CHCHD3: variants seen among roughly 807,000 people sequenced by gnomAD.
CHCHD3 encodes MICOS complex subunit MIC19.
Under a neutral mutation model 38.2 loss-of-function variants are expected in CHCHD3, and 20 were observed. That is an observed-to-expected ratio of 0.52 (90% CI 0.37 to 0.76). The LOEUF is 0.76. CHCHD3 is among the 30% of genes least tolerant of loss of function. The pLI, the probability that CHCHD3 is intolerant of heterozygous loss-of-function variation, is 0.00. For missense variants in CHCHD3, 245 were observed against 279.2 expected (o/e 0.88, Z 0.87); for synonymous variants, 82 against 100.0 (o/e 0.82, Z 1.07).
intron 1 of CHCHD3, among the ~76,000 whole-genome samples, chr7:133,076,050 T>G (rs1464251413): frequency 9.0e-6 from 1 of 110,560 alleles, no homozygotes; most frequent in Non-Finnish European, 1.7e-5. Context: ...GAGAATGAGA[T>G]TCTATCTCAA....
chr7:132,989,897 A>C (rs1199185964), intron 3 of CHCHD3, among the ~76,000 whole-genome samples: 1 of 152,216 alleles, frequency 6.6e-6, no homozygotes, highest in East Asian at 1.9e-4. Flanking sequence ...CAAATGTCAT[A>C]ATATTCAATA....
intron 4 of CHCHD3, among the ~76,000 whole-genome samples, chr7:132,934,743 C>T (rs1810596684): frequency 6.6e-6 from 1 of 152,182 alleles, no homozygotes; most frequent in African/African-American, 2.4e-5. Flanking sequence ...CGCTCCTACA[C>T]TGCTAGTTCA....
chr7:133,017,559 C>T (rs1468367913), intron 3 of CHCHD3, among the ~76,000 whole-genome samples: 1 of 152,146 alleles, frequency 6.6e-6, no homozygotes, highest in Non-Finnish European at 1.5e-5. Flanking sequence ...TGACTTCAAA[C>T]ACTGCACTTC....
At chr7:132,987,851 C>G (rs1812162997) in intron 3 of CHCHD3, among the ~76,000 whole-genome samples, 1 of 152,142 alleles carries the variant, frequency 6.6e-6, no homozygotes, top group Non-Finnish European at 1.5e-5. Flanking sequence ...CCACCAGAGA[C>G]AGCAAGACTA....
intron 6 of CHCHD3, among the ~76,000 whole-genome samples, chr7:132,828,602 G>A (rs374819866): frequency 9.9e-5 from 15 of 152,252 alleles, no homozygotes; most frequent in South Asian, 8.3e-4. Context: ...ACATTCAAAT[G>A]AGCAACAAGA....
At chr7:133,001,493 G>T (rs1381156096) in intron 3 of CHCHD3, among the ~76,000 whole-genome samples, 2 of 151,952 alleles carry the variant, frequency 1.3e-5, no homozygotes, top group Non-Finnish European at 2.9e-5. Flanking sequence ...CAACTAAAAG[G>T]AATATTTTTC....
At chr7:132,799,711 TTTGAAAA>T (rs1338285167) in intron 6 of CHCHD3, among the ~76,000 whole-genome samples, 1 of 152,218 alleles carries the variant, frequency 6.6e-6, no homozygotes, top group Non-Finnish European at 1.5e-5. Flanking sequence ...AGAGTCAACC[TTTGAAAA>T]TATACATGTA....
intron 3 of CHCHD3, among the ~76,000 whole-genome samples, chr7:133,023,768 T>C (rs1354061379): frequency 6.6e-6 from 1 of 152,238 alleles, no homozygotes; most frequent in Non-Finnish European, 1.5e-5. Context: ...GGTGTTTTTT[T>C]CAGTGGATAG....
intron 4 of CHCHD3, among the ~76,000 whole-genome samples, chr7:132,892,653 C>T (rs1454652414): frequency 6.6e-6 from 1 of 152,144 alleles, no homozygotes; most frequent in East Asian, 1.9e-4. Context: ...GAAGGAAAAA[C>T]GGTTGCCTGG....
intron 4 of CHCHD3, among the ~76,000 whole-genome samples, chr7:132,971,250 T>C (rs185853993): frequency 2.6e-5 from 4 of 152,310 alleles, no homozygotes; most frequent in Admixed American, 2.6e-4. Flanking sequence ...GAAGCATATT[T>C]TGAACGTGAG....
At chr7:132,910,046 T>C (rs890640414) in intron 4 of CHCHD3, among the ~76,000 whole-genome samples, 1 of 152,222 alleles carries the variant, frequency 6.6e-6, no homozygotes, top group Non-Finnish European at 1.5e-5. Context: ...AAGCAGACTT[T>C]TTCCAACTCA....
intron 2 of CHCHD3, among the ~76,000 whole-genome samples, chr7:133,051,747 T>C (rs928494146): frequency 6.6e-6 from 1 of 152,316 alleles, no homozygotes; most frequent in Non-Finnish European, 1.5e-5. Flanking sequence ...CACAGACATA[T>C]ACAAATAAGC....
chr7:132,978,770 C>T (rs992729561), intron 3 of CHCHD3, among the ~76,000 whole-genome samples: 13 of 152,150 alleles, frequency 8.5e-5, no homozygotes, highest in Admixed American at 6.5e-5. Flanking sequence ...CCAACATCAA[C>T]ACCTAACTAT....
chr7:133,055,448 ATAAT>A (rs1299988355), intron 2 of CHCHD3, among the ~76,000 whole-genome samples: 18 of 145,224 alleles, frequency 1.2e-4, no homozygotes, highest in South Asian at 4.2e-4. Flanking sequence ...TGTATTTATT[ATAAT>A]TAATTATAAT....
intron 4 of CHCHD3, among the ~76,000 whole-genome samples, chr7:132,927,999 T>C (rs1810416123): frequency 6.6e-6 from 1 of 152,116 alleles, no homozygotes; most frequent in Non-Finnish European, 1.5e-5. Context: ...CAAGCCTCCT[T>C]CTCTCATCGA....
At chr7:132,844,413 C>T (rs1027838379) in intron 5 of CHCHD3, among the ~76,000 whole-genome samples, 8 of 152,202 alleles carry the variant, frequency 5.3e-5, no homozygotes, top group Non-Finnish European at 4.4e-5. Flanking sequence ...ACTTCTGTGC[C>T]TATAAGGTCC....
intron 3 of CHCHD3, among the ~76,000 whole-genome samples, chr7:133,007,616 G>A (rs1346095851): frequency 1.3e-5 from 2 of 152,076 alleles, no homozygotes; most frequent in African/African-American, 4.8e-5. Context: ...AAAGACACAA[G>A]GGTAGAGAGA....
chr7:132,974,497 T>G (rs1585689611), intron 4 of CHCHD3, among the ~76,000 whole-genome samples: 1 of 152,100 alleles, frequency 6.6e-6, no homozygotes, highest in Non-Finnish European at 1.5e-5. Context: ...GACTAACATC[T>G]GGTAGTTGCC....
chr7:132,990,941 CAG>C (rs1413101638), intron 3 of CHCHD3, among the ~76,000 whole-genome samples: 1 of 132,930 alleles, frequency 7.5e-6, no homozygotes, highest in African/African-American at 2.9e-5. Flanking sequence ...CTCCCCTACA[CAG>C]ACACACATAC....
Sources: gnomAD v4.1 joint callset for allele counts (sites outside exome capture counted in the v4.1 genomes callset) on GRCh38, gnomAD v4.1.1 for gene constraint, MANE v1.5 for transcripts, NCBI Gene and HGNC (gene_info 2026-07-23, HGNC 2026-07-21) for gene names.